Variants in CGN observed in about 807,000 individuals in gnomAD.
The protein encoded by CGN is cingulin.
Under a neutral mutation model 157.1 loss-of-function variants are expected in CGN, and 121 were observed. The ratio of observed to expected loss-of-function variants is 0.77; its 90% confidence interval spans 0.66 to 0.90. CGN has a LOEUF of 0.90. CGN is among the 40% of genes least tolerant of loss of function. The pLI, the probability that CGN is intolerant of heterozygous loss-of-function variation, is 0.00. For missense variants in CGN, 1,424 were observed against 1,520.9 expected (o/e 0.94, Z 1.06); for synonymous variants, 535 against 607.5 (o/e 0.88, Z 1.76).
At chr1:151,526,744 G>A (rs1202480776) in intron 9 of CGN, among the ~76,000 whole-genome samples, 1 of 152,192 alleles carries the variant, frequency 6.6e-6, no homozygotes, top group South Asian at 2.1e-4. Context: ...AAATTGCTGG[G>A]ATTACAGGCA....
At position 151,524,551 on chromosome 1, in the gene CGN, A is replaced by G; in HGVS notation, c.1402-123A>G. 10 of 1,170,306 alleles carry G rather than the reference A, an allele frequency of 8.5e-6. No homozygotes were observed. The highest frequency in any genetic ancestry group is 1.2e-5 in the Non-Finnish European group (10 of 821,524). 72.5% of individuals were successfully genotyped at this position (1,170,306 alleles called of 1,614,324 possible). On this transcript the variant is annotated intron_variant, in intron 7 of 20. Coordinates refer to ENST00000271636, the MANE Select transcript of CGN (RefSeq NM_020770.3). This position sits in a 1 kb window ranked among gnomAD's most constrained non-coding sequence, Gnocchi z 4.4. ...AAGGAAACCTATCATTCTGGGCTCC[A>G]GTACTGGTACTAGAGCACCTGGTAC... is the stretch of plus-strand genomic sequence containing the variant.
intron 2 of CGN, among the ~76,000 whole-genome samples, chr1:151,519,851 A>T (rs1381766683): frequency 6.6e-6 from 1 of 152,172 alleles, no homozygotes; most frequent in Non-Finnish European, 1.5e-5. Context: ...TTATTTATAA[A>T]CTCTAGCATG....
upstream of CGN, chr1:151,511,002 T>C (rs1285437085): frequency 6.6e-6 from 1 of 152,078 alleles, no homozygotes; most frequent in East Asian, 1.9e-4. The surrounding 1 kb of genome is among the most constrained non-coding windows in gnomAD (Gnocchi z 4.8). Flanking sequence ...CCTGCAGAGG[T>C]AGGTGAAGGA....
At chr1:151,520,811 C>A in intron 5 of CGN, 120 bp downstream of exon 5, 1 of 793,812 alleles carries the variant, frequency 1.3e-6, no homozygotes, top group Non-Finnish European at 2.1e-6. Flanking sequence ...TCTTATGAGA[C>A]AAGAGACAAG....
Position 151,535,782 on chromosome 1 carries a change from C to T in CGN, c.3081C>T (p.Asn1027=), listed in dbSNP as rs1664954789. ...ECDKISLERQ[N]KDLKTRLASS... ...TGGAGGCTTCCTGTCCCTCTCAGAA[C>T]AAGGACCTGAAGACCCGGTTGGCCA... Residue 1027 remains asparagine (N), a splice_region_variant and synonymous_variant, in exon 18 of 21, where the codon AAC becomes AAT. Transcript: ENST00000271636. 6.2e-7 allele frequency: 1 copy of T among 1,613,830 alleles called. No homozygotes were observed. Among genetic ancestry groups the T allele is most frequent in the African/African-American group, 1.3e-5 (1 of 75,012 alleles).
chr1:151,524,470 G>T lies in CGN; in HGVS notation c.1401+112G>T. 1 of 1,470,724 alleles carries T rather than the reference G, an allele frequency of 6.8e-7. No individual in the cohort carries two copies. Among genetic ancestry groups the T allele is most frequent in the Non-Finnish European group, 9.3e-7 (1 of 1,077,916 alleles). The allele number at this position is 1,470,724 out of a possible 1,614,324, so 91.1% of individuals were successfully genotyped here. A position where few individuals can be genotyped will look rare whatever the true frequency, so the allele number is the denominator to read the frequency against. ...ATGAGGAGTGGGTGGCTGATTACAG[G>T]TACTCAGTGTGCTTTCAGGTAGATT... On this transcript the variant is annotated intron_variant, in intron 7 of 20. Coordinates refer to ENST00000271636, the MANE Select transcript of CGN (RefSeq NM_020770.3). This position sits in a 1 kb window ranked among gnomAD's most constrained non-coding sequence, Gnocchi z 4.4.
chr1:151,537,617 T>C lies in CGN; in HGVS notation c.*271T>C. 2.7e-6 allele frequency: 1 copy of C among 374,052 alleles called. No individual in the cohort carries two copies. Among genetic ancestry groups the C allele is most frequent in the South Asian group, 5.4e-5 (1 of 18,600 alleles). The allele number at this position is 374,052 out of a possible 1,614,324, so 23.2% of individuals were successfully genotyped here. ...CCTCATCTCTCTTATAGTGGAAGGA[T>C]GGTCAGCATTAGGCTGATGGGGACT... On this transcript the variant is annotated 3_prime_UTR_variant, in exon 21 of 21. Transcript: ENST00000271636.
At chr1:151,533,195 A>C (rs182351870) in intron 14 of CGN, among the ~76,000 whole-genome samples, 43 of 152,316 alleles carry the variant, frequency 2.8e-4, no homozygotes, top group Middle Eastern at 3.4e-3. Flanking sequence ...AACAATAAAG[A>C]AGCTGAGGAC....
chr1:151,528,167 C>T (rs1664740280), intron 10 of CGN, among the ~76,000 whole-genome samples: 1 of 148,022 alleles, frequency 6.8e-6, no homozygotes, highest in Non-Finnish European at 1.5e-5. Flanking sequence ...CTCAGTGTTT[C>T]ACCGTGAAAC....
intron 10 of CGN, chr1:151,527,853 AGCTGCAGGGATTGT>A: frequency 4.0e-6 from 1 of 252,608 alleles, no homozygotes; most frequent in South Asian, 4.1e-5. Context: ...GACAAGTGGC[AGCTGCAGGGATTGT>A]GCTGACCTGT....
At chr1:151,530,894 A>G in intron 13 of CGN, 148 bp downstream of exon 13, 2 of 844,462 alleles carry the variant, frequency 2.4e-6, no homozygotes, top group Non-Finnish European at 3.6e-6. Flanking sequence ...TAATTCCAGC[A>G]CTTTGAGAGG....
In CGN at chr1:151,536,237, G is replaced by A; in HGVS notation, c.3198G>A (p.Arg1066=). The change falls in exon 19 of 21, where the codon AGG becomes AGA. Residue 1066 remains arginine, a splice_region_variant and synonymous_variant. Coordinates refer to ENST00000271636, the MANE Select transcript of CGN (RefSeq NM_020770.3). ...TAGACATTCTTCTACCTCACCTTAG[G>A]GAGAAGACAGTTCTGCAGTCTACCA... ...LLQERLQAEE[R]EKTVLQSTNR... 6.3e-7 allele frequency: 1 copy of A among 1,584,556 alleles called. No homozygotes were observed. Among genetic ancestry groups the A allele is most frequent in the Non-Finnish European group, 8.7e-7 (1 of 1,153,046 alleles).
At chr1:151,534,998 G>A (rs778271892) in intron 15 of CGN, 44 bp from the exon 16 acceptor site, 12 of 1,405,804 alleles carry the variant, frequency 8.5e-6, no homozygotes, top group Non-Finnish European at 1.1e-5. Context: ...TTGGCATTCT[G>A]GTGTCCAGCA....
In CGN at chr1:151,534,117, GGCA is replaced by G. The variant is rs1557993716; in HGVS notation, c.2888_2890del (p.Gln963del). 6.3e-7 allele frequency: 1 copy of G among 1,596,446 alleles called. No individual in the cohort carries two copies. Among genetic ancestry groups the G allele is most frequent in the Admixed American group, 1.8e-5 (1 of 56,702 alleles). On this transcript the variant is annotated inframe_deletion, in exon 15 of 21. Transcript: ENST00000271636. ...AAGCGTTCCCAGGACGACAGGGCCC[GGCA>G]GCTGAAGGGTCTCGAGGTGAGGGCA...
intron 15 of CGN, chr1:151,534,661 T>C (rs1664915403): frequency 3.9e-6 from 1 of 256,670 alleles, no homozygotes; most frequent in Admixed American, 5.2e-5. Flanking sequence ...CCCATGTACA[T>C]ACTCTTAGCC....
chr1:151,532,812 G>T (rs1398797848), intron 14 of CGN, among the ~76,000 whole-genome samples: 6 of 151,794 alleles, frequency 4.0e-5, no homozygotes, highest in African/African-American at 1.5e-4. Context: ...GTAGAGACGG[G>T]GTTTCACCGT....
intron 11 of CGN, 94 bp from the exon 12 acceptor site, chr1:151,529,815 A>G (rs1664788270): frequency 8.3e-7 from 1 of 1,206,380 alleles, no homozygotes; most frequent in African/African-American, 1.5e-5. Context: ...TGTCTTTGGG[A>G]TGGCTTTCCT....
rs1271766948 is a variant in CGN at position 151,538,132 on chromosome 1, G to C, written c.*786G>C. 1 of 152,902 alleles carries C rather than the reference G, an allele frequency of 6.5e-6. No individual in the cohort carries two copies. Among genetic ancestry groups the C allele is most frequent in the Non-Finnish European group, 1.5e-5 (1 of 68,274 alleles). The allele number at this position is 152,902 out of a possible 1,614,324, so 9.5% of individuals were successfully genotyped here. A position where few individuals can be genotyped will look rare whatever the true frequency, so the allele number is the denominator to read the frequency against. On this transcript the variant is annotated 3_prime_UTR_variant, in exon 21 of 21. Coordinates refer to ENST00000271636, the MANE Select transcript of CGN (RefSeq NM_020770.3). ...CCCCTGGGAGAGGGACTTTGGTAGG[G>C]TCATGATAAAGTGGCGGGGGTCTGG... is the stretch of plus-strand genomic sequence containing the variant.
Position 151,518,564 on chromosome 1 carries a change from C to T in CGN, c.45C>T (p.Asp15=), listed in dbSNP as rs1174689195. ...PNMAEPRGPV[D]HGVQIRFITE... ...TGGCTGAGCCCCGGGGCCCCGTAGA[C>T]CATGGAGTCCAGATTCGCTTCATCA... The change falls in exon 2 of 21, where the codon GAC becomes GAT. Residue 15 remains aspartate (D), a synonymous_variant. Coordinates refer to ENST00000271636, the MANE Select transcript of CGN (RefSeq NM_020770.3). The T allele has an allele frequency of 1.2e-6, 2 of 1,613,296 alleles. No homozygotes were observed. Among genetic ancestry groups the T allele is most frequent in the African/African-American group, 2.7e-5 (2 of 74,908 alleles).
Sources: allele counts gnomAD v4.1 joint callset (sites outside exome capture counted in the v4.1 genomes callset), GRCh38; gene constraint gnomAD v4.1.1; non-coding constraint Gnocchi (gnomAD v3.1); transcripts MANE v1.5; gene names NCBI Gene and HGNC (gene_info 2026-07-23, HGNC 2026-07-21).